SORBS2: variants seen among roughly 807,000 people sequenced by gnomAD.
The protein encoded by SORBS2 is sorbin and SH3 domain-containing protein 2.
In SORBS2, 46 loss-of-function variants were observed where a neutral mutation model predicts 97.7. The ratio of observed to expected loss-of-function variants is 0.47; its 90% CI spans 0.37 to 0.60. The LOEUF is 0.60. Ranked by LOEUF, SORBS2 falls within the 20% of genes least tolerant of loss-of-function variation. SORBS2 has a pLI of 0.00. For synonymous variants in SORBS2, 476 were observed against 473.4 expected, an observed-to-expected ratio of 1.01 and a Z score of -0.07; for missense variants, 1,316 against 1,282.3, an observed-to-expected ratio of 1.03 and a Z score of -0.40.
intron 4 of SORBS2, among the ~76,000 whole-genome samples, chr4:185,664,865 C>T (rs1315606440): frequency 6.6e-6 from 1 of 151,634 alleles, no homozygotes; most frequent in East Asian, 1.9e-4. Context: ...ATTATAATAT[C>T]AATTTAAAAA....
chr4:185,670,485 G>C (rs1374203183), intron 4 of SORBS2, among the ~76,000 whole-genome samples: 1 of 151,924 alleles, frequency 6.6e-6, no homozygotes, highest in Non-Finnish European at 1.5e-5. Flanking sequence ...TGAGCTTCTA[G>C]GCCTCATTTC....
intron 6 of SORBS2, among the ~76,000 whole-genome samples, chr4:185,625,681 A>G (rs1212060242): frequency 6.6e-6 from 1 of 152,220 alleles, no homozygotes; most frequent in Non-Finnish European, 1.5e-5. Context: ...GTTGAATCTG[A>G]TAAGGCATCT....
intron 1 of SORBS2, among the ~76,000 whole-genome samples, chr4:185,886,554 C>CAAAA (rs1198439527): frequency 0.012 from 895 of 72,794 alleles, 29 homozygotes; most frequent in African/African-American, 0.038. Context: ...GACTCTGTCT[C>CAAAA]AAAAAAAAAA....
intron 1 of SORBS2, among the ~76,000 whole-genome samples, chr4:185,820,366 C>T (rs1427572690): frequency 6.6e-6 from 1 of 152,206 alleles, no homozygotes; most frequent in Non-Finnish European, 1.5e-5. Context: ...TGATGTCCTC[C>T]CCTCCCCTTT....
At chr4:185,704,229 G>C (rs10031144) in intron 2 of SORBS2, among the ~76,000 whole-genome samples, 58,098 of 152,006 alleles carry the variant, frequency 0.38, 11,462 homozygotes, top group Non-Finnish European at 0.43. Flanking sequence ...GTTGGAGTCA[G>C]GATATTCGCT....
chr4:185,886,825 A>AT (rs55667153), intron 1 of SORBS2, among the ~76,000 whole-genome samples: 35,678 of 152,180 alleles, frequency 0.23, 4,545 homozygotes, highest in East Asian at 0.54. Context: ...AGAAAGGACA[A>AT]TATCACCCTT....
rs2098990758 is a variant in SORBS2 at position 185,774,610 on chromosome 4, T to G, written c.-198+617A>C. 3.3e-5 allele frequency: 5 copies of G among 152,102 alleles called. 1 individual carries two copies. The South Asian group carries it at 8.3e-4, about 25-fold the overall frequency. The allele number at this position is 152,102 out of a possible 1,614,324, so 9.4% of individuals were successfully genotyped here. A position where few individuals can be genotyped will look rare whatever the true frequency, so the allele number is the denominator to read the frequency against. ...CACGTTAGAGAAACCTGCCAGCAGATGTACCCAGCAAAAGACAGTCAGCTT... is the reference window on the plus strand; with the variant it reads ...CACGTTAGAGAAACCTGCCAGCAGAGGTACCCAGCAAAAGACAGTCAGCTT... On this transcript the variant is annotated intron_variant, in intron 2 of 20. Coordinates refer to the SORBS2 transcript ENST00000284776.
In SORBS2 at chr4:185,900,933, T is replaced by C. The variant is rs568890507; in HGVS notation, c.-338+55263A>G. Among the ~76,000 whole-genome samples the C allele has an allele frequency of 3.3e-5, 5 of 152,352 alleles. No homozygotes were observed. The South Asian group carries it at 1.0e-3, about 32-fold the overall frequency. On this transcript the variant is annotated intron_variant, in intron 1 of 20. Transcript: ENST00000284776. ...ATCAAGTTGTCTAAAACATTGTTTATGGACAGCTATCTCTTTCTGTGTAAA... is the reference window on the plus strand; with the variant it reads ...ATCAAGTTGTCTAAAACATTGTTTACGGACAGCTATCTCTTTCTGTGTAAA...
intron 2 of SORBS2, among the ~76,000 whole-genome samples, chr4:185,689,931 G>A (rs888119800): frequency 6.6e-6 from 1 of 152,154 alleles, no homozygotes; most frequent in African/African-American, 2.4e-5. Flanking sequence ...TGGGGGGAAG[G>A]CAAAATTATA....
In SORBS2 at chr4:185,623,954, T is replaced by C. The variant is rs2096765031; in HGVS notation, c.1175A>G (p.Asp392Gly). 1 of 1,614,182 alleles carries C rather than the reference T, an allele frequency of 6.2e-7. No homozygotes were observed. Among genetic ancestry groups the C allele is most frequent in the East Asian group, 2.2e-5 (1 of 44,874 alleles). Residue 392 changes from aspartate (D) to glycine (G), a missense_variant, in exon 7 of 15, where the codon GAC becomes GGC. Coordinates refer to ENST00000418609, the Ensembl canonical transcript of SORBS2. The surrounding 1 kb of genome is among the most constrained non-coding windows in gnomAD (Gnocchi z 6.4). Reference sequence around the variant, plus strand: ...GCACTGGCTCCAGGCGCGCAGCAGGTCCTTGTGCTGCTGCTCGCTCTCGTA... The same window carrying C: ...GCACTGGCTCCAGGCGCGCAGCAGGCCCTTGTGCTGCTGCTCGCTCTCGTA...
upstream of SORBS2, among the ~76,000 whole-genome samples, chr4:185,658,814 G>A (rs956234490): frequency 2.0e-5 from 3 of 151,034 alleles, no homozygotes; most frequent in African/African-American, 7.3e-5. Context: ...CAGAGTAGCT[G>A]GGACTACAGG....
chr4:185,878,635 T>A (rs2099235005), intron 1 of SORBS2, among the ~76,000 whole-genome samples: 1 of 152,206 alleles, frequency 6.6e-6, no homozygotes, highest in South Asian at 2.1e-4. Context: ...GTCTCTGTCC[T>A]GGACCCCGGG....
upstream of SORBS2, chr4:185,657,290 T>C: frequency 1.4e-6 from 1 of 711,062 alleles, no homozygotes; most frequent in South Asian, 3.1e-5. Context: ...AGCATAACAT[T>C]CATGAGAAGT....
chr4:185,650,604 T>C (rs2097297153), intron 2 of SORBS2, among the ~76,000 whole-genome samples: 1 of 152,234 alleles, frequency 6.6e-6, no homozygotes, highest in Non-Finnish European at 1.5e-5. Flanking sequence ...TAAATTTTCC[T>C]GCACCCAATC....
intron 4 of SORBS2, among the ~76,000 whole-genome samples, chr4:185,636,648 ATTTTTTTTT>A (rs1228463050): frequency 7.5e-6 from 1 of 134,006 alleles, no homozygotes; most frequent in Non-Finnish European, 1.6e-5. Flanking sequence ...CCAGTTGACT[ATTTTTTTTT>A]TTTTTTTTTG....
intron 1 of SORBS2, among the ~76,000 whole-genome samples, chr4:185,856,141 C>T (rs2099220485): frequency 6.6e-6 from 1 of 152,044 alleles, no homozygotes; most frequent in Admixed American, 6.6e-5. Flanking sequence ...TCATTTAGTC[C>T]AATGTTCAAT....
At chr4:185,604,932 G>A (rs893948335) in intron 12 of SORBS2, among the ~76,000 whole-genome samples, 32 of 152,284 alleles carry the variant, frequency 2.1e-4, no homozygotes, top group African/African-American at 6.0e-4. Flanking sequence ...CCGCGTGCAG[G>A]GTGTGAGCTG....
intron 4 of SORBS2, among the ~76,000 whole-genome samples, chr4:185,673,282 A>C (rs746743181): frequency 2.0e-5 from 3 of 152,204 alleles, no homozygotes; most frequent in African/African-American, 7.2e-5. Context: ...ACTGCATTGC[A>C]CACTTACAAA....
At chr4:185,670,326 A>G (rs1285308327) in intron 4 of SORBS2, among the ~76,000 whole-genome samples, 1 of 152,172 alleles carries the variant, frequency 6.6e-6, no homozygotes, top group Non-Finnish European at 1.5e-5. Flanking sequence ...AATTCTAATG[A>G]CTTAAACATT....
Sources: gnomAD v4.1 joint callset for allele counts (sites outside exome capture counted in the v4.1 genomes callset) on GRCh38, gnomAD v4.1.1 for gene constraint, Gnocchi (gnomAD v3.1) non-coding constraint, MANE v1.5 for transcripts, NCBI Gene and HGNC (gene_info 2026-07-23, HGNC 2026-07-21) for gene names.